TNR: variants seen among roughly 807,000 people sequenced by gnomAD.
TNR encodes the protein tenascin R.
Under a neutral mutation model 150.4 loss-of-function variants are expected in TNR, and 45 were observed. That is an observed-to-expected ratio of 0.30 (90% CI 0.24 to 0.38). The LOEUF is 0.38. TNR is among the 10% of genes least tolerant of loss of function. The pLI is 1.00. For synonymous variants in TNR, 687 were observed against 678.4 expected, an observed-to-expected ratio of 1.01 and a Z score of -0.20; for missense variants, 1,544 against 1,759.1, an observed-to-expected ratio of 0.88 and a Z score of 2.19.
chr1:175,382,339 G>C (rs934999381), intron 8 of TNR, among the ~76,000 whole-genome samples: 4 of 152,190 alleles, frequency 2.6e-5, no homozygotes, highest in African/African-American at 9.6e-5. Context: ...AGAATGCTTG[G>C]GGTGAGAAGG....
intron 2 of TNR, among the ~76,000 whole-genome samples, chr1:175,497,752 A>G (rs1466425421): frequency 6.6e-6 from 1 of 152,128 alleles, no homozygotes; most frequent in Non-Finnish European, 1.5e-5. Flanking sequence ...GGTAATAATC[A>G]CCAGTGCTTA....
At chr1:175,335,628 TA>T in intron 20 of TNR, 82 bp downstream of exon 20, 1 of 1,351,906 alleles carries the variant, frequency 7.4e-7, no homozygotes, top group Non-Finnish European at 1.0e-6. Flanking sequence ...GGGTTTCTGA[TA>T]ATCTCAGATG....
chr1:175,346,767 G>A (rs768889140), intron 18 of TNR, among the ~76,000 whole-genome samples: 7 of 151,916 alleles, frequency 4.6e-5, no homozygotes, highest in Middle Eastern at 3.4e-3. Flanking sequence ...AAACTTAGAC[G>A]TGGTAGTCAA....
rs139706759 is a variant in TNR, at chr1:175,706,612, C to T, written c.-165+36614G>A. 6.4e-3 allele frequency among the ~76,000 whole-genome samples: 981 copies of T among 152,268 alleles called. 7 individuals carry two copies. The highest frequency in any genetic ancestry group is 0.01 in the Non-Finnish European group (686 of 68,024). ...CTTGCTTGAAAAAACAGGATAGAAACATACCATCTCCCGAGGGAACCACCT... is the reference window on the plus strand; with the variant it reads ...CTTGCTTGAAAAAACAGGATAGAAATATACCATCTCCCGAGGGAACCACCT... On this transcript the variant is annotated intron_variant, in intron 1 of 22. Coordinates refer to ENST00000367674, the MANE Select transcript of TNR (RefSeq NM_003285.3).
intron 1 of TNR, among the ~76,000 whole-genome samples, chr1:175,678,417 C>T (rs2101908268): frequency 6.6e-6 from 1 of 152,300 alleles, no homozygotes; most frequent in East Asian, 1.9e-4. Context: ...TTTTGAAAAC[C>T]ACCACTTTAT....
At chr1:175,485,166 C>T (rs1487292917) in intron 2 of TNR, among the ~76,000 whole-genome samples, 2 of 152,132 alleles carry the variant, frequency 1.3e-5, no homozygotes, top group Admixed American at 1.3e-4. Context: ...TTTGGCATTT[C>T]AGTCTCCAAG....
intron 2 of TNR, among the ~76,000 whole-genome samples, chr1:175,424,437 G>T (rs1654882682): frequency 6.6e-6 from 1 of 152,252 alleles, no homozygotes; most frequent in African/African-American, 2.4e-5. Context: ...CTTGGTAAGT[G>T]TTGACGAGGT....
intron 1 of TNR, among the ~76,000 whole-genome samples, chr1:175,673,925 C>CA (rs1445958419): frequency 1.3e-5 from 2 of 152,244 alleles, no homozygotes; most frequent in East Asian, 3.8e-4. Context: ...TGGCTAAGTA[C>CA]ATAGTGCCAT....
intron 2 of TNR, among the ~76,000 whole-genome samples, chr1:175,524,788 A>G (rs982481326): frequency 2.0e-5 from 3 of 152,238 alleles, no homozygotes; most frequent in African/African-American, 7.2e-5. Flanking sequence ...AAAGCATAAG[A>G]TGTTGAGAGC....
intron 9 of TNR, among the ~76,000 whole-genome samples, chr1:175,373,623 G>A (rs1178585486): frequency 6.6e-6 from 1 of 152,126 alleles, no homozygotes; most frequent in Admixed American, 6.5e-5. Flanking sequence ...ATACTTCTAA[G>A]GCCTGTTTCC....
intron 1 of TNR, among the ~76,000 whole-genome samples, chr1:175,534,300 A>G (rs1660186293): frequency 6.6e-6 from 1 of 152,192 alleles, no homozygotes; most frequent in African/African-American, 2.4e-5. Context: ...TTGCTTGACA[A>G]TGACTAGACA....
intron 2 of TNR, among the ~76,000 whole-genome samples, chr1:175,469,879 G>A (rs1273031243): frequency 6.6e-6 from 1 of 152,104 alleles, no homozygotes; most frequent in Non-Finnish European, 1.5e-5. Flanking sequence ...TACTGCAATG[G>A]TCCAAGCAGG....
intron 1 of TNR, among the ~76,000 whole-genome samples, chr1:175,571,154 G>T (rs1661850496): frequency 6.6e-6 from 1 of 152,182 alleles, no homozygotes; most frequent in Non-Finnish European, 1.5e-5. Flanking sequence ...CCATCCTGGA[G>T]TCCCATGACC....
At chr1:175,475,311 T>G (rs1228923319) in intron 2 of TNR, among the ~76,000 whole-genome samples, 1 of 152,214 alleles carries the variant, frequency 6.6e-6, no homozygotes, top group African/African-American at 2.4e-5. Context: ...TGATGGCACC[T>G]TTCTGCTTAT....
intron 1 of TNR, among the ~76,000 whole-genome samples, chr1:175,583,574 G>T (rs913036866): frequency 6.6e-6 from 1 of 152,206 alleles, no homozygotes; most frequent in Non-Finnish European, 1.5e-5. Context: ...GACAGAAGAG[G>T]AGGGCACTGG....
At chr1:175,505,643 G>A (rs1188846496) in intron 2 of TNR, among the ~76,000 whole-genome samples, 1 of 152,214 alleles carries the variant, frequency 6.6e-6, no homozygotes, top group Non-Finnish European at 1.5e-5. Flanking sequence ...CCATTGATTG[G>A]CTGTGTGAAT....
rs377767187 is a variant in TNR at position 175,657,857 on chromosome 1, A to G, written c.-165+85369T>C. Among the ~76,000 whole-genome samples the G allele has an allele frequency of 1.4e-3, 145 of 106,756 alleles. 1 individual carries two copies. Among genetic ancestry groups the G allele is most frequent in the Admixed American group, 3.3e-3 (34 of 10,262 alleles). 70.0% of individuals were successfully genotyped at this position (106,756 alleles called of 152,430 possible). ...CAGCACACCAACATGGAACATGTATATATATATATATATATATATATATAT... is the reference window on the plus strand; with the variant it reads ...CAGCACACCAACATGGAACATGTATGTATATATATATATATATATATATAT... On this transcript the variant is annotated intron_variant, in intron 1 of 22. Coordinates refer to ENST00000367674, the MANE Select transcript of TNR (RefSeq NM_003285.3).
intron 1 of TNR, among the ~76,000 whole-genome samples, chr1:175,640,414 T>G (rs1014039894): frequency 6.6e-6 from 1 of 152,250 alleles, no homozygotes; most frequent in African/African-American, 2.4e-5. Flanking sequence ...TGTTAAGCCA[T>G]GTACTGGCAC....
intron 2 of TNR, among the ~76,000 whole-genome samples, chr1:175,507,443 T>C (rs1485452069): frequency 1.3e-5 from 2 of 152,232 alleles, no homozygotes; most frequent in Non-Finnish European, 2.9e-5. Flanking sequence ...GAATGTTACA[T>C]GAGTCCTTTG....
Sources: allele counts gnomAD v4.1 joint callset (sites outside exome capture counted in the v4.1 genomes callset), GRCh38; gene constraint gnomAD v4.1.1; transcripts MANE v1.5; gene names NCBI Gene and HGNC (gene_info 2026-07-23, HGNC 2026-07-21).